Variants in CHIA observed in about 807,000 individuals in gnomAD.
CHIA encodes chitinase acidic.
A neutral mutation model predicts 53.5 loss-of-function variants in CHIA; 47 were observed. That is an observed-to-expected ratio of 0.88 (90% CI 0.70 to 1.12). The LOEUF (loss-of-function observed/expected upper bound fraction) is 1.12. Ranked by LOEUF, CHIA falls within the 50% of genes most tolerant of loss-of-function variation. The probability of loss-of-function intolerance (pLI) is 0.00; values close to 1 mark genes in which losing one functional copy is unlikely to be tolerated. For synonymous variants in CHIA, 268 were observed against 222.2 expected, an observed-to-expected ratio of 1.21 and a Z score of -1.83; for missense variants, 652 against 592.2, an observed-to-expected ratio of 1.10 and a Z score of -1.05.
At chr1:111,291,676 AT>A (rs895849922) in intron 1 of CHIA, among the ~76,000 whole-genome samples, 3 of 152,092 alleles carry the variant, frequency 2.0e-5, no homozygotes, top group Non-Finnish European at 2.9e-5. Context: ...TTAAAGTAAA[AT>A]TTTTTTTAAA....
chr1:111,293,657 T>C (rs952750805), intron 1 of CHIA, among the ~76,000 whole-genome samples: 2 of 152,216 alleles, frequency 1.3e-5, no homozygotes, highest in Non-Finnish European at 2.9e-5. Flanking sequence ...CAACAAATCA[T>C]TGGAAGTCCA....
intron 1 of CHIA, among the ~76,000 whole-genome samples, chr1:111,306,659 A>G (rs1648208863): frequency 6.6e-6 from 1 of 152,258 alleles, no homozygotes; most frequent in South Asian, 2.1e-4. Flanking sequence ...GAGTGAAAAA[A>G]TAACCCATAA....
In CHIA at chr1:111,317,800, G is replaced by T; in HGVS notation, c.600G>T (p.Leu200=). The part of the protein sequence containing the change: ...NIQSGYEIPQ[L]SQYLDYIHVM... ...AGTCTGGCTATGAGATCCCCCAACT[G>T]TCACAGTGAGTGATGTGCCTTATCT... The change falls in exon 7 of 12, where the codon CTG becomes CTT. Residue 200 remains leucine (L), a synonymous_variant. Transcript: ENST00000369740. 1 of 1,613,648 alleles carries T rather than the reference G, an allele frequency of 6.2e-7. No homozygotes were observed. Among genetic ancestry groups the T allele is most frequent in the Non-Finnish European group, 8.5e-7 (1 of 1,180,008 alleles).
rs185686289 is a variant in CHIA, at chr1:111,298,520, G to A, written c.-69+7570G>A. 2.4e-3 allele frequency among the ~76,000 whole-genome samples: 364 copies of A among 152,284 alleles called. 2 individuals are homozygous for A. Among genetic ancestry groups the A allele is most frequent in the African/African-American group, 8.2e-3 (342 of 41,554 alleles). ...CTGGGTAAATAACGAGATGAAGGCA[G>A]ATATAAAGATGTTCTTTGAAACCAG... On this transcript the variant is annotated intron_variant, in intron 1 of 11. Coordinates refer to ENST00000369740, the MANE Select transcript of CHIA (RefSeq NM_201653.4).
chr1:111,318,628 G>C lies in CHIA; in HGVS notation c.865G>C (p.Gly289Arg), dbSNP rs763691746. Residue 289 changes from glycine to arginine, a missense_variant, in exon 9 of 12, where the codon GGT (glycine) becomes CGT (arginine). Coordinates refer to ENST00000369740, the MANE Select transcript of CHIA (RefSeq NM_201653.4). The stretch of plus-strand genomic sequence containing the variant: ...AATTGGTGCCCCCACCTCTGGTGCT[G>C]GTCCTGCTGGGCCCTATGCCAAGGA... ...TGIGAPTSGA[G>R]PAGPYAKESG... The C allele has an allele frequency of 1.2e-6, 2 of 1,614,174 alleles. No individual in the cohort carries two copies. Among genetic ancestry groups the C allele is most frequent in the Admixed American group, 1.7e-5 (1 of 60,022 alleles).
At chr1:111,303,520 TTCTTCCCCATTGGTTACAA>T (rs1647933109) in intron 1 of CHIA, among the ~76,000 whole-genome samples, 2 of 151,998 alleles carry the variant, frequency 1.3e-5, no homozygotes. Context: ...TATAGCTATT[TTCTTCCCCATTGGTTACAA>T]TGGGGATTAC....
chr1:111,303,021 G>A (rs1421037165), intron 1 of CHIA, among the ~76,000 whole-genome samples: 1 of 151,982 alleles, frequency 6.6e-6, no homozygotes, highest in East Asian at 1.9e-4. Flanking sequence ...TTTGTCTCTT[G>A]TACATTTTTT....
chr1:111,295,313 T>G (rs1268253423), intron 1 of CHIA, among the ~76,000 whole-genome samples: 1 of 152,212 alleles, frequency 6.6e-6, no homozygotes, highest in Non-Finnish European at 1.5e-5. Flanking sequence ...CCCAAAGTGC[T>G]GGGATTACAG....
chr1:111,318,511 TG>T lies in CHIA; in HGVS notation c.750del (p.Trp250Ter). 3 of 1,613,974 alleles carry T rather than the reference TG, an allele frequency of 1.9e-6. No individual in the cohort carries two copies. Among genetic ancestry groups the T allele is most frequent in the Non-Finnish European group, 2.5e-6 (3 of 1,179,876 alleles). On this transcript the variant is annotated frameshift_variant, in exon 9 of 12. Transcript: ENST00000369740. LOFTEE classifies it high-confidence loss of function. ...YLNVDYVMNYWKDNGAPAEKL... is the reference protein window; with the variant it reads ...YLNVDYVMNYXKDNGAPAEKL... ...ATTGCAGGATTATGTCATGAACTAC[TG>T]GAAGGACAATGGAGCACCAGCTGAG... is the stretch of plus-strand genomic sequence containing the variant.
intron 1 of CHIA, among the ~76,000 whole-genome samples, chr1:111,306,270 T>TA (rs1648178933): frequency 6.6e-6 from 1 of 152,110 alleles, no homozygotes; most frequent in Admixed American, 6.5e-5. Context: ...CTGAAGATGA[T>TA]AAACAGTGTG....
intron 4 of CHIA, among the ~76,000 whole-genome samples, chr1:111,314,219 T>C (rs897010803): frequency 6.6e-6 from 1 of 152,224 alleles, no homozygotes; most frequent in Admixed American, 6.5e-5. Flanking sequence ...TCAAGCAACA[T>C]TTACCATTTT....
rs1649548265 is a variant in CHIA, at chr1:111,320,264, G to A, written c.1229G>A (p.Gly410Asp). 1 of 1,614,022 alleles carries A rather than the reference G, an allele frequency of 6.2e-7. No individual in the cohort carries two copies. Among genetic ancestry groups the A allele is most frequent in the Non-Finnish European group, 8.5e-7 (1 of 1,179,866 alleles). ...GAGCCAATAACTGCTGCTCCCAGTG[G>A]CAGCGGGAACGGGAGCGGGAGTAGC... ...PIEPITAAPS[G>D]SGNGSGSSSS... is the part of the protein sequence containing the mutation. Residue 410 changes from glycine (G) to aspartate (D), a missense_variant, in exon 12 of 12, where the codon GGC becomes GAC. Transcript: ENST00000369740.
At position 111,318,013 on chromosome 1, in the gene CHIA, C is replaced by T. The variant is rs781153179; in HGVS notation, c.633C>T (p.Thr211=). The change falls in exon 8 of 12, where the codon ACC becomes ACT. Residue 211 remains threonine, a synonymous_variant. Coordinates refer to ENST00000369740, the MANE Select transcript of CHIA (RefSeq NM_201653.4). ...ACCTGGACTACATCCATGTCATGAC[C>T]TACGACCTCCATGGCTCCTGGGAGG... ...SQYLDYIHVM[T]YDLHGSWEGY... The T allele has an allele frequency of 6.2e-7, 1 of 1,614,142 alleles. No homozygotes were observed. The highest frequency in any genetic ancestry group is 1.1e-5 in the South Asian group (1 of 91,072).
chr1:111,293,634 T>C (rs1661161529), intron 1 of CHIA, among the ~76,000 whole-genome samples: 1 of 152,240 alleles, frequency 6.6e-6, no homozygotes, highest in Non-Finnish European at 1.5e-5. Context: ...GTCTGTGATT[T>C]AGGTGTCATA....
At chr1:111,307,500 T>A (rs1648278218) in intron 1 of CHIA, among the ~76,000 whole-genome samples, 1 of 152,152 alleles carries the variant, frequency 6.6e-6, no homozygotes, top group Non-Finnish European at 1.5e-5. Flanking sequence ...ATAAATGAAG[T>A]AAGAAAATAG....
At chr1:111,314,862 T>A (rs543689197) in intron 5 of CHIA, 1 of 487,388 alleles carries the variant, frequency 2.1e-6, no homozygotes, top group East Asian at 3.6e-5. Context: ...CTTCTTAAAG[T>A]ATTTCAAGAG....
intron 5 of CHIA, 74 bp from the exon 6 acceptor site, chr1:111,315,196 A>G (rs767681989): frequency 1.8e-6 from 2 of 1,131,158 alleles, no homozygotes; most frequent in Non-Finnish European, 2.6e-6. Context: ...TGAGGCAGGA[A>G]TTGAGAGCTT....
At chr1:111,300,791 G>A (rs531411090) in intron 1 of CHIA, among the ~76,000 whole-genome samples, 1 of 152,140 alleles carries the variant, frequency 6.6e-6, no homozygotes, top group East Asian at 1.9e-4. Context: ...AGAGTGAAAG[G>A]GCAACCTACA....
Position 111,315,259 on chromosome 1 carries a change from G to A in CHIA, c.315-11G>A, listed in dbSNP as rs577803464. On this transcript the variant is annotated splice_polypyrimidine_tract_variant and intron_variant, in intron 5 of 11. Coordinates refer to ENST00000369740, the MANE Select transcript of CHIA (RefSeq NM_201653.4). Reference sequence around the variant, plus strand: ...CAAGGTCTCACCCTGCCTTCTTTGGGTCTCCCTCAGTTTCACTGCCATGGT... The same window carrying A: ...CAAGGTCTCACCCTGCCTTCTTTGGATCTCCCTCAGTTTCACTGCCATGGT... 3 of 1,609,488 alleles carry A rather than the reference G, an allele frequency of 1.9e-6. No homozygotes were observed. Among genetic ancestry groups the A allele is most frequent in the Non-Finnish European group, 2.5e-6 (3 of 1,177,850 alleles).
Sources: gnomAD v4.1 joint callset for allele counts (sites outside exome capture counted in the v4.1 genomes callset) on GRCh38, gnomAD v4.1.1 for gene constraint, MANE v1.5 for transcripts, NCBI Gene and HGNC (gene_info 2026-07-23, HGNC 2026-07-21) for gene names.